The following NAV2 variants were observed in gnomAD, a reference collection of about 807,000 sequenced individuals.
The protein encoded by NAV2 is neuron navigator 2.
In NAV2, 54 loss-of-function variants were observed where a neutral mutation model predicts 223.2. The observed-to-expected ratio is 0.24, with a 90% CI of 0.19 to 0.30. The LOEUF (loss-of-function observed/expected upper bound fraction) is 0.30, where lower values mean the gene tolerates loss of function less well. Among genes scored for constraint, NAV2 ranks in the 10% least tolerant of loss-of-function variants. NAV2 has a pLI of 1.00. For synonymous variants in NAV2, 1,279 were observed against 1,239.3 expected, an observed-to-expected ratio of 1.03 and a Z score of -0.67; for missense variants, 2,806 against 3,147.5, an observed-to-expected ratio of 0.89 and a Z score of 2.60.
At chr11:19,485,240 A>G (rs762846787) in intron 1 of NAV2, among the ~76,000 whole-genome samples, 4 of 152,136 alleles carry the variant, frequency 2.6e-5, no homozygotes, top group Non-Finnish European at 5.9e-5. Flanking sequence ...CTTATTCACA[A>G]AGTGTAAATG....
chr11:19,682,098 C>T lies in NAV2; in HGVS notation c.76-150386C>T, dbSNP rs572853768. Among the ~76,000 whole-genome samples, 16 of 152,272 alleles carry T rather than the reference C, an allele frequency of 1.1e-4. No individual in the cohort carries two copies. In the South Asian group the frequency reaches 3.1e-3, roughly 30 times the overall value. The stretch of plus-strand genomic sequence containing the variant: ...GCATCAGGCACAGCACCTGGACTCA[C>T]TCCCCTAGACAGCACCTTACCCACA... On this transcript the variant is annotated intron_variant, in intron 1 of 37. Transcript: ENST00000360655.
chr11:19,637,316 G>C (rs1023585373), intron 1 of NAV2, among the ~76,000 whole-genome samples: 5 of 152,310 alleles, frequency 3.3e-5, no homozygotes, highest in African/African-American at 1.2e-4. Context: ...TCTGTTCTCT[G>C]TATTCCCTTC....
intron 1 of NAV2, among the ~76,000 whole-genome samples, chr11:19,553,285 C>A (rs757446832): frequency 3.3e-4 from 50 of 152,350 alleles, no homozygotes; most frequent in Non-Finnish European, 6.0e-4. Context: ...AACAGCCCCA[C>A]CCCTAATCTT....
At chr11:20,008,808 G>A (rs1004527972) in intron 11 of NAV2, among the ~76,000 whole-genome samples, 1 of 151,210 alleles carries the variant, frequency 6.6e-6, no homozygotes, top group Non-Finnish European at 1.5e-5. Flanking sequence ...GCTTGCACAT[G>A]CTTAATTTCC....
chr11:19,869,078 A>G, intron 4 of NAV2, 81 bp downstream of exon 4: 1 of 1,340,942 alleles, frequency 7.5e-7, no homozygotes, highest in Non-Finnish European at 1.1e-6. Context: ...TATTAACACC[A>G]TTATGACAAG....
At chr11:19,615,696 G>T (rs1306570362) in intron 1 of NAV2, among the ~76,000 whole-genome samples, 2 of 152,122 alleles carry the variant, frequency 1.3e-5, no homozygotes, top group African/African-American at 4.8e-5. Flanking sequence ...TGAAGATGGC[G>T]ATGAAATGAT....
chr11:19,874,427 A>G (rs1187083586), intron 4 of NAV2, among the ~76,000 whole-genome samples: 1 of 152,184 alleles, frequency 6.6e-6, no homozygotes, highest in East Asian at 1.9e-4. Flanking sequence ...CTCTACATCT[A>G]CATGTTTTTC....
chr11:19,983,507 G>A (rs2050482561), intron 10 of NAV2, among the ~76,000 whole-genome samples: 1 of 152,130 alleles, frequency 6.6e-6, no homozygotes, highest in Non-Finnish European at 1.5e-5. Context: ...ACAAATTTCA[G>A]TGCACTTTCA....
At chr11:19,625,377 A>T (rs894672221) in intron 1 of NAV2, among the ~76,000 whole-genome samples, 2 of 152,206 alleles carry the variant, frequency 1.3e-5, no homozygotes, top group Non-Finnish European at 2.9e-5. Flanking sequence ...GCTATGAATG[A>T]CAGAATTTCA....
intron 11 of NAV2, among the ~76,000 whole-genome samples, chr11:20,021,440 G>A (rs1565783589): frequency 6.6e-6 from 1 of 152,220 alleles, no homozygotes; most frequent in Admixed American, 6.5e-5. Context: ...TAGAGCGTGT[G>A]TGTGCATCTG....
chr11:19,743,304 A>C (rs901809811), intron 1 of NAV2, among the ~76,000 whole-genome samples: 1 of 152,196 alleles, frequency 6.6e-6, no homozygotes, highest in Non-Finnish European at 1.5e-5. Context: ...TGAACTTGGG[A>C]GTCAGGGGTC....
At chr11:19,926,921 C>G (rs1335877117) in intron 6 of NAV2, among the ~76,000 whole-genome samples, 3 of 152,166 alleles carry the variant, frequency 2.0e-5, no homozygotes, top group Non-Finnish European at 4.4e-5. Context: ...AACTGAAAAG[C>G]TGGGGACAGG....
At chr11:19,777,356 C>A (rs2056331123) in intron 1 of NAV2, 2 of 388,420 alleles carry the variant, frequency 5.1e-6, no homozygotes, top group Non-Finnish European at 5.0e-6. Flanking sequence ...CGAGAGGAGA[C>A]CCGGGACTGG....
intron 1 of NAV2, among the ~76,000 whole-genome samples, chr11:19,677,015 C>T (rs1022291761): frequency 2.0e-5 from 3 of 152,168 alleles, no homozygotes; most frequent in South Asian, 4.1e-4. Context: ...AGTGAAGGCA[C>T]GGCCTCTCAA....
At chr11:19,765,480 TCTC>T (rs1188723168) in intron 1 of NAV2, among the ~76,000 whole-genome samples, 2 of 148,322 alleles carry the variant, frequency 1.3e-5, no homozygotes, top group African/African-American at 4.9e-5. Flanking sequence ...TCTGTCTCCT[TCTC>T]CTTCTCCTTC....
At chr11:19,899,279 G>A (rs1000886386) in intron 6 of NAV2, among the ~76,000 whole-genome samples, 1 of 152,162 alleles carries the variant, frequency 6.6e-6, no homozygotes, top group African/African-American at 2.4e-5. Flanking sequence ...TCATGTCTGA[G>A]TAACTTTGGG....
intron 1 of NAV2, among the ~76,000 whole-genome samples, chr11:19,421,860 G>C (rs1399526233): frequency 1.4e-5 from 2 of 138,300 alleles, no homozygotes; most frequent in African/African-American, 5.2e-5. Context: ...CAGAGCCCCT[G>C]AGGGGCAGTG....
chr11:19,815,485 A>G (rs2152827329), intron 1 of NAV2, among the ~76,000 whole-genome samples: 1 of 152,370 alleles, frequency 6.6e-6, no homozygotes, highest in Middle Eastern at 3.4e-3. Context: ...CTGAAGTTGG[A>G]TGAACACATC....
At chr11:19,595,074 A>T (rs896297740) in intron 1 of NAV2, among the ~76,000 whole-genome samples, 3 of 152,014 alleles carry the variant, frequency 2.0e-5, no homozygotes, top group Non-Finnish European at 4.4e-5. Flanking sequence ...GATGGGGAGG[A>T]GTCATTTTGG....
Sources: gnomAD v4.1 joint callset for allele counts (sites outside exome capture counted in the v4.1 genomes callset) on GRCh38, gnomAD v4.1.1 for gene constraint, MANE v1.5 for transcripts, NCBI Gene and HGNC (gene_info 2026-07-23, HGNC 2026-07-21) for gene names.